LPAR1: variants seen among roughly 807,000 people sequenced by gnomAD.
LPAR1 encodes lysophosphatidic acid receptor 1.
LPAR1 carries 5 observed loss-of-function variants against 23.8 expected under a neutral mutation model. That is an observed-to-expected ratio of 0.21 (90% CI 0.11 to 0.44). The LOEUF (loss-of-function observed/expected upper bound fraction) is 0.44. LPAR1 is among the 20% of genes least tolerant of loss of function. The pLI is 0.99. For missense variants in LPAR1, 311 were observed against 482.8 expected (o/e 0.64, Z 3.33); for synonymous variants, 160 against 164.7 (o/e 0.97, Z 0.22).
At chr9:111,009,319 A>C (rs1029010102) in intron 2 of LPAR1, among the ~76,000 whole-genome samples, 10 of 152,146 alleles carry the variant, frequency 6.6e-5, no homozygotes, top group Non-Finnish European at 1.3e-4. Context: ...AACGAATTAC[A>C]CAGAGGCACA....
chr9:111,020,702 T>C (rs1314067625), intron 2 of LPAR1, among the ~76,000 whole-genome samples: 1 of 152,062 alleles, frequency 6.6e-6, no homozygotes, highest in Admixed American at 6.5e-5. Context: ...GCCTAGTACC[T>C]ACTTGGACCT....
intron 2 of LPAR1, among the ~76,000 whole-genome samples, chr9:111,010,597 A>G (rs1245952672): frequency 6.6e-6 from 1 of 152,200 alleles, no homozygotes; most frequent in Admixed American, 6.5e-5. Flanking sequence ...GGAAAAGCCA[A>G]TAATACTTAG....
intron 2 of LPAR1, among the ~76,000 whole-genome samples, chr9:111,019,647 C>T (rs1331800371): frequency 6.6e-6 from 1 of 151,754 alleles, no homozygotes; most frequent in Non-Finnish European, 1.5e-5. Flanking sequence ...ACCATCCTGG[C>T]TAACATGGTG....
intron 5 of LPAR1, chr9:110,903,447 G>A (rs1564418390): frequency 6.6e-6 from 1 of 152,024 alleles, no homozygotes; most frequent in Admixed American, 6.6e-5. Context: ...CGTATTTTTT[G>A]AGAAATTAAA....
chr9:110,968,289 A>G (rs1287275021), intron 4 of LPAR1, among the ~76,000 whole-genome samples: 6 of 152,164 alleles, frequency 3.9e-5, no homozygotes, highest in Admixed American at 6.5e-5. Context: ...CATGAAGTCA[A>G]TTGGCTCGCG....
At chr9:110,943,593 C>T (rs1564123308) in intron 4 of LPAR1, among the ~76,000 whole-genome samples, 1 of 152,124 alleles carries the variant, frequency 6.6e-6, no homozygotes, top group Non-Finnish European at 1.5e-5. Flanking sequence ...GGCACAGTGG[C>T]TCACATCTGT....
chr9:110,884,132 A>G (rs1564360514), intron 5 of LPAR1, among the ~76,000 whole-genome samples: 1 of 152,098 alleles, frequency 6.6e-6, no homozygotes, highest in Non-Finnish European at 1.5e-5. Context: ...GTCCTTACTT[A>G]CTCGCCAAGC....
At chr9:110,880,715 T>A (rs1371334882) in intron 5 of LPAR1, among the ~76,000 whole-genome samples, 1 of 152,156 alleles carries the variant, frequency 6.6e-6, no homozygotes, top group African/African-American at 2.4e-5. Context: ...CCAGAAACAG[T>A]CCCATCTCAG....
chr9:110,951,541 T>A (rs2095568852), intron 4 of LPAR1, among the ~76,000 whole-genome samples: 1 of 152,036 alleles, frequency 6.6e-6, no homozygotes, highest in Non-Finnish European at 1.5e-5. Flanking sequence ...AAAAGAAAAT[T>A]ACATTTACAG....
intron 5 of LPAR1, among the ~76,000 whole-genome samples, chr9:110,918,126 A>G (rs1271794686): frequency 6.6e-6 from 1 of 152,058 alleles, no homozygotes; most frequent in East Asian, 1.9e-4. Flanking sequence ...TTTCCATGTC[A>G]TCAGGCTGGT....
chr9:111,037,649 A>G (rs2097917904), intron 1 of LPAR1, among the ~76,000 whole-genome samples: 1 of 152,194 alleles, frequency 6.6e-6, no homozygotes, highest in African/African-American at 2.4e-5. Context: ...GTGGGGGACA[A>G]CCGAGTCGTC....
chr9:110,955,308 G>C (rs1315065315), intron 4 of LPAR1, among the ~76,000 whole-genome samples: 1 of 152,078 alleles, frequency 6.6e-6, no homozygotes, highest in Non-Finnish European at 1.5e-5. Flanking sequence ...AGATAAAATG[G>C]ACTTTAAATT....
intron 2 of LPAR1, among the ~76,000 whole-genome samples, chr9:111,014,257 A>T (rs572039746): frequency 6.6e-6 from 1 of 152,308 alleles, no homozygotes; most frequent in African/African-American, 2.4e-5. Context: ...CTTAAGGACA[A>T]GGTAAAGCTG....
chr9:110,893,517 T>C (rs2085231510), intron 5 of LPAR1, among the ~76,000 whole-genome samples: 1 of 152,220 alleles, frequency 6.6e-6, no homozygotes. Context: ...TATGTATATA[T>C]ACCCTATGTG....
intron 5 of LPAR1, among the ~76,000 whole-genome samples, chr9:110,935,940 C>G (rs2094682282): frequency 6.6e-6 from 1 of 152,176 alleles, no homozygotes; most frequent in South Asian, 2.1e-4. Context: ...CTACTAGGTG[C>G]TAATCACACC....
At chr9:111,028,035 G>T (rs1377830598) in intron 2 of LPAR1, among the ~76,000 whole-genome samples, 1 of 151,924 alleles carries the variant, frequency 6.6e-6, no homozygotes, top group African/African-American at 2.4e-5. Context: ...TTAATGGCCT[G>T]TGTACATACT....
At chr9:110,977,327 A>T (rs970821305) in intron 2 of LPAR1, among the ~76,000 whole-genome samples, 2 of 152,152 alleles carry the variant, frequency 1.3e-5, no homozygotes, top group Admixed American at 6.5e-5. Flanking sequence ...TCTGGTTGAC[A>T]GGTGGCCATG....
chr9:110,929,975 C>T (rs2135594733), intron 5 of LPAR1, among the ~76,000 whole-genome samples: 1 of 152,258 alleles, frequency 6.6e-6, no homozygotes. Context: ...CAGAACTATA[C>T]ATTTCCAGAT....
intron 1 of LPAR1, among the ~76,000 whole-genome samples, chr9:111,037,663 G>A (rs907188825): frequency 6.6e-6 from 1 of 152,206 alleles, no homozygotes; most frequent in African/African-American, 2.4e-5. Context: ...AGTCGTCAGT[G>A]GGAAGCGAGA....
Sources: gnomAD v4.1 joint callset for allele counts (sites outside exome capture counted in the v4.1 genomes callset) on GRCh38, gnomAD v4.1.1 for gene constraint, MANE v1.5 for transcripts, NCBI Gene and HGNC (gene_info 2026-07-23, HGNC 2026-07-21) for gene names.